Variants in UCHL5 observed in about 807,000 individuals in gnomAD.
The protein encoded by UCHL5 is ubiquitin carboxyl-terminal hydrolase isozyme L5.
A neutral mutation model predicts 53.8 loss-of-function variants in UCHL5; 34 were observed. That is an observed-to-expected ratio of 0.63 (90% CI 0.48 to 0.84). UCHL5 has a LOEUF of 0.84. UCHL5 is among the 40% of genes least tolerant of loss of function. The pLI is 0.00. For missense variants in UCHL5, 290 were observed against 385.6 expected (o/e 0.75, Z 2.08); for synonymous variants, 111 against 126.3 (o/e 0.88, Z 0.81).
In UCHL5 at chr1:193,021,050, T is replaced by C. The variant is rs555786478; in HGVS notation, c.942+47A>G. 2.9e-6 allele frequency: 4 copies of C among 1,372,272 alleles called. No individual in the cohort carries two copies. In the African/African-American group the frequency reaches 4.4e-5, roughly 15 times the overall value. 85.0% of individuals were successfully genotyped at this position (1,372,272 alleles called of 1,614,324 possible). ...AAAATAAAAAATACATTTTATGTTT[T>C]TGGAGACTCTAAACTTAATTTAAGT... On this transcript the variant is annotated intron_variant, in intron 10 of 10. Coordinates refer to ENST00000367454, the MANE Select transcript of UCHL5 (RefSeq NM_001199261.3).
At chr1:193,042,456 G>C (rs1203471020) in intron 3 of UCHL5, among the ~76,000 whole-genome samples, 1 of 151,992 alleles carries the variant, frequency 6.6e-6, no homozygotes, top group Non-Finnish European at 1.5e-5. Context: ...TCCCATTCTG[G>C]GTACCTTAAG....
intron 3 of UCHL5, among the ~76,000 whole-genome samples, chr1:193,030,280 T>C (rs1660893683): frequency 6.6e-6 from 1 of 152,206 alleles, no homozygotes; most frequent in Non-Finnish European, 1.5e-5. Context: ...GCCAGTTACT[T>C]TTCTAGGCAC....
intron 9 of UCHL5, among the ~76,000 whole-genome samples, chr1:193,022,443 T>C (rs1429105470): frequency 6.6e-6 from 1 of 151,992 alleles, no homozygotes; most frequent in Non-Finnish European, 1.5e-5. Context: ...GCAGATCACT[T>C]GAGGTCAGGA....
chr1:193,041,948 A>T (rs993024323), intron 3 of UCHL5, among the ~76,000 whole-genome samples: 1 of 152,062 alleles, frequency 6.6e-6, no homozygotes, highest in Non-Finnish European at 1.5e-5. Flanking sequence ...ACATAATGAG[A>T]TTCTGTCTCT....
intron 7 of UCHL5, among the ~76,000 whole-genome samples, chr1:193,026,071 TA>T (rs1239385812): frequency 5.7e-5 from 8 of 140,784 alleles, no homozygotes; most frequent in Admixed American, 5.1e-4. Context: ...GGTGCCTGAG[TA>T]ATTGAATATG....
In UCHL5 at chr1:193,049,768, T is replaced by A; in HGVS notation, c.224A>T (p.Asp75Val). 1 of 1,611,348 alleles carries A rather than the reference T, an allele frequency of 6.2e-7. No homozygotes were observed. The highest frequency in any genetic ancestry group is 8.5e-7 in the Non-Finnish European group (1 of 1,178,588). Residue 75 changes from aspartate to valine, a missense_variant, in exon 3 of 11, where the codon GAC becomes GTC. Asp to Val is a radical substitution (Grantham distance 152). Transcript: ENST00000367454. ...AGSVVQDSRL[D>V]TIFFAKQVIN... The stretch of plus-strand genomic sequence containing the variant: ...TACCTGCTTAGCAAAAAATATCGTG[T>A]CAAGTCGGGAGTCCTGAACCACAGA...
intron 1 of UCHL5, among the ~76,000 whole-genome samples, chr1:193,058,770 C>T (rs1048908352): frequency 1.2e-4 from 18 of 152,198 alleles, no homozygotes; most frequent in Non-Finnish European, 1.8e-4. Context: ...AAGGCGCACC[C>T]TAGGGTGGCT....
chr1:193,034,354 A>T (rs1160672660), intron 3 of UCHL5, among the ~76,000 whole-genome samples: 1 of 152,060 alleles, frequency 6.6e-6, no homozygotes, highest in Non-Finnish European at 1.5e-5. Context: ...TTTAAGCTGA[A>T]ATGAAGAAAT....
chr1:193,043,027 G>A (rs952166339), intron 3 of UCHL5, among the ~76,000 whole-genome samples: 1 of 151,542 alleles, frequency 6.6e-6, no homozygotes, highest in Non-Finnish European at 1.5e-5. Flanking sequence ...GTCTGAATAC[G>A]GAATTGAGAA....
Position 193,029,658 on chromosome 1 carries a change from CTATAAAA to C in UCHL5, c.247-8_247-2del, listed in dbSNP as rs765780453. Reference sequence around the variant, plus strand: ...GAGTAGCACAAGCATTATTAATTACCTATAAAATATAAAAGTGAAGATATCAATGTGT... The same window carrying C: ...GAGTAGCACAAGCATTATTAATTACCTATAAAAGTGAAGATATCAATGTGT... On this transcript the variant is annotated splice_acceptor_variant and splice_polypyrimidine_tract_variant and intron_variant, in intron 3 of 10. Transcript: ENST00000367454. LOFTEE classifies it high-confidence loss of function. The C allele has an allele frequency of 2.5e-5, 40 of 1,585,430 alleles. No individual in the cohort carries two copies. The highest frequency in any genetic ancestry group is 2.6e-5 in the Non-Finnish European group (30 of 1,169,886).
chr1:193,048,529 T>G (rs137893891), intron 3 of UCHL5, among the ~76,000 whole-genome samples: 14 of 152,336 alleles, frequency 9.2e-5, no homozygotes, highest in African/African-American at 2.9e-4. Context: ...AATTTTACAT[T>G]ACAACTAACC....
At chr1:193,026,656 A>T (rs2102404706) in intron 7 of UCHL5, among the ~76,000 whole-genome samples, 1 of 152,314 alleles carries the variant, frequency 6.6e-6, no homozygotes. Context: ...GAAATATAAA[A>T]TGGTACAGTC....
At chr1:193,016,607 G>T (rs577018341) in intron 10 of UCHL5, among the ~76,000 whole-genome samples, 3 of 151,732 alleles carry the variant, frequency 2.0e-5, no homozygotes, top group African/African-American at 7.3e-5. Flanking sequence ...AAAGGATCAT[G>T]TTTGGTTTGC....
intron 7 of UCHL5, 71 bp downstream of exon 7, chr1:193,028,014 C>A: frequency 6.4e-7 from 1 of 1,573,074 alleles, no homozygotes; most frequent in East Asian, 2.3e-5. Flanking sequence ...GCTAAAATAA[C>A]AATAAAATAC....
At chr1:193,027,749 C>G (rs948427480) in intron 7 of UCHL5, 3 of 386,366 alleles carry the variant, frequency 7.8e-6, no homozygotes, top group African/African-American at 6.6e-5. Flanking sequence ...TTTAACTTCT[C>G]TAAAGACAAG....
chr1:193,035,957 G>A (rs1663226374), intron 3 of UCHL5, among the ~76,000 whole-genome samples: 1 of 151,680 alleles, frequency 6.6e-6, no homozygotes, highest in Admixed American at 6.6e-5. Flanking sequence ...TGTTTTGTAA[G>A]CTTCATGGTA....
chr1:193,057,057 A>C (rs146129348), intron 1 of UCHL5, among the ~76,000 whole-genome samples: 2 of 152,374 alleles, frequency 1.3e-5, no homozygotes, highest in East Asian at 3.9e-4. Context: ...TCTGAAAGTT[A>C]ACTTTAACAT....
rs1259123737 is a variant in UCHL5, at chr1:193,049,708, T to A, written c.246+38A>T. ...ACTAGAGTCTTGTTTATAAAAAGGG[T>A]TGCTCTTGAGACTTTTCAGAGTATC... On this transcript the variant is annotated intron_variant, in intron 3 of 10. Transcript: ENST00000367454. The A allele has an allele frequency of 2.0e-6, 3 of 1,511,742 alleles. No individual in the cohort carries two copies. In the South Asian group the frequency reaches 3.7e-5, roughly 19 times the overall value. The allele number at this position is 1,511,742 out of a possible 1,614,324, so 93.6% of individuals were successfully genotyped here. A position where few individuals can be genotyped will look rare whatever the true frequency, so the allele number is the denominator to read the frequency against.
At chr1:193,019,001 C>T (rs190226942) in intron 10 of UCHL5, among the ~76,000 whole-genome samples, 59 of 151,556 alleles carry the variant, frequency 3.9e-4, no homozygotes, top group African/African-American at 1.3e-3. Flanking sequence ...TTTAAATTTG[C>T]ATTTATCTGC....
Sources: gnomAD v4.1 joint callset for allele counts (sites outside exome capture counted in the v4.1 genomes callset) on GRCh38, gnomAD v4.1.1 for gene constraint, MANE v1.5 for transcripts, NCBI Gene and HGNC (gene_info 2026-07-23, HGNC 2026-07-21) for gene names.